The following RELN variants were observed in gnomAD, a reference collection of about 807,000 sequenced individuals.
RELN encodes reelin.
A neutral mutation model predicts 427.6 loss-of-function variants in RELN; 108 were observed. That is an observed-to-expected ratio of 0.25 (90% confidence interval 0.22 to 0.30). The LOEUF is 0.30. Among genes scored for constraint, RELN ranks in the 10% least tolerant of loss-of-function variants. The probability of loss-of-function intolerance (pLI) is 1.00; values close to 1 mark genes in which losing one functional copy is unlikely to be tolerated. For synonymous variants in RELN, 1,524 were observed against 1,513.4 expected (o/e 1.01, Z -0.16); for missense variants, 3,715 against 4,302.8 (o/e 0.86, Z 3.82).
chr7:103,718,564 T>C (rs1000450213), intron 8 of RELN, among the ~76,000 whole-genome samples: 1 of 152,168 alleles, frequency 6.6e-6, no homozygotes, highest in African/African-American at 2.4e-5. Context: ...TGGGTAATCA[T>C]TTCCATTGAC....
At chr7:103,658,861 A>AC (rs954990304) in intron 12 of RELN, among the ~76,000 whole-genome samples, 2 of 150,854 alleles carry the variant, frequency 1.3e-5, no homozygotes, top group Non-Finnish European at 3.0e-5. Flanking sequence ...CCCTGCCATT[A>AC]CCCCCAAACC....
At chr7:103,571,443 G>T (rs1830879648) in intron 31 of RELN, among the ~76,000 whole-genome samples, 1 of 152,128 alleles carries the variant, frequency 6.6e-6, no homozygotes, top group African/African-American at 2.4e-5. Flanking sequence ...TGAGTGCCTA[G>T]GGAGGGTGGA....
chr7:103,479,661 AT>A, intron 63 of RELN, among the ~76,000 whole-genome samples: 1 of 152,250 alleles, frequency 6.6e-6, no homozygotes, highest in Admixed American at 6.5e-5. Context: ...GTATGTCCAT[AT>A]TTATGAAAAT....
intron 1 of RELN, among the ~76,000 whole-genome samples, chr7:103,930,222 T>TCC (rs1353391158): frequency 2.6e-5 from 4 of 152,120 alleles, no homozygotes; most frequent in Non-Finnish European, 4.4e-5. Flanking sequence ...TCTCACTGTG[T>TCC]CCCTGCATGG....
chr7:103,590,896 T>C (rs1277329823), intron 27 of RELN, among the ~76,000 whole-genome samples: 1 of 152,226 alleles, frequency 6.6e-6, no homozygotes, highest in African/African-American at 2.4e-5. Context: ...CTGTTATACA[T>C]AGCGTTGCAG....
intron 10 of RELN, among the ~76,000 whole-genome samples, chr7:103,693,688 A>G (rs1172672216): frequency 6.6e-6 from 1 of 152,140 alleles, no homozygotes; most frequent in Non-Finnish European, 1.5e-5. Flanking sequence ...ATAGGAAGTC[A>G]TCAAAGGTCT....
rs201261973 is a variant in RELN, at chr7:103,989,115, G to A, written c.226+16C>T. 728 of 1,611,054 alleles carry A rather than the reference G, an allele frequency of 4.5e-4. No individual in the cohort carries two copies. The highest frequency in any genetic ancestry group is 4.9e-4 in the Non-Finnish European group (572 of 1,177,802). ...GCACCCGGCGGCGGCGAGCGCGGAGGTGCTGCGGTACCTACCATGGTATTC... is the reference window on the plus strand; with the variant it reads ...GCACCCGGCGGCGGCGAGCGCGGAGATGCTGCGGTACCTACCATGGTATTC... On this transcript the variant is annotated intron_variant, in intron 1 of 64. Transcript: ENST00000428762. The surrounding 1 kb of genome is among the most constrained non-coding windows in gnomAD (Gnocchi z 4.9).
At chr7:103,976,893 A>T (rs1387179787) in intron 1 of RELN, among the ~76,000 whole-genome samples, 1 of 152,128 alleles carries the variant, frequency 6.6e-6, no homozygotes, top group Non-Finnish European at 1.5e-5. Flanking sequence ...CTCTATAAAA[A>T]ATACAAAAAT....
chr7:103,772,886 C>A (rs927669547), intron 4 of RELN, among the ~76,000 whole-genome samples: 1 of 152,054 alleles, frequency 6.6e-6, no homozygotes, highest in African/African-American at 2.4e-5. Context: ...CTATTGCTTC[C>A]AATTGAGATT....
At chr7:103,749,297 C>T in intron 6 of RELN, 129 bp downstream of exon 6, 1 of 769,076 alleles carries the variant, frequency 1.3e-6, no homozygotes, top group Non-Finnish European at 2.3e-6. Flanking sequence ...AGTTCCATAG[C>T]TTAACAAGTC....
At chr7:103,702,107 C>T (rs1266714111) in intron 8 of RELN, among the ~76,000 whole-genome samples, 1 of 152,212 alleles carries the variant, frequency 6.6e-6, no homozygotes, top group Non-Finnish European at 1.5e-5. Context: ...AAAGGATATT[C>T]AAAGGAAAGC....
At chr7:103,858,236 G>C (rs999092995) in intron 2 of RELN, among the ~76,000 whole-genome samples, 13 of 152,036 alleles carry the variant, frequency 8.6e-5, no homozygotes, top group African/African-American at 2.9e-4. Context: ...AACTCTCTAG[G>C]CTTCTGTTTC....
rs35734631 is a variant in RELN, at chr7:103,895,704, A to G, written c.337+21371T>C. 4.0e-3 allele frequency among the ~76,000 whole-genome samples: 608 copies of G among 152,184 alleles called. 23 individuals are homozygous for G. The East Asian group carries it at 0.072, about 18-fold the overall frequency. On this transcript the variant is annotated intron_variant, in intron 2 of 64. Transcript: ENST00000428762. ...TATCTACTTTGGAACTCACCCAAAGATTGTGAGATTGAAAAATAACTACTT... is the reference window on the plus strand; with the variant it reads ...TATCTACTTTGGAACTCACCCAAAGGTTGTGAGATTGAAAAATAACTACTT...
intron 11 of RELN, among the ~76,000 whole-genome samples, chr7:103,670,920 G>A (rs1833377573): frequency 6.6e-6 from 1 of 151,784 alleles, no homozygotes; most frequent in African/African-American, 2.4e-5. Flanking sequence ...ACCTAAAGTT[G>A]GCAACTTTAA....
intron 28 of RELN, among the ~76,000 whole-genome samples, chr7:103,581,291 C>T (rs1229166833): frequency 6.6e-6 from 1 of 152,102 alleles, no homozygotes; most frequent in Admixed American, 6.5e-5. Flanking sequence ...ATGTGCTTCC[C>T]ATTCCTTCCT....
At chr7:103,745,000 G>A (rs941827993) in intron 6 of RELN, among the ~76,000 whole-genome samples, 80 of 152,114 alleles carry the variant, frequency 5.3e-4, no homozygotes, top group Non-Finnish European at 6.2e-4. Context: ...GATGAACATC[G>A]ATGCAAAAAT....
intron 19 of RELN, among the ~76,000 whole-genome samples, chr7:103,633,521 C>T (rs1476036940): frequency 6.6e-6 from 1 of 150,938 alleles, no homozygotes; most frequent in Non-Finnish European, 1.5e-5. Context: ...CTACCATTAC[C>T]ACGTTCTCCT....
intron 10 of RELN, 25 bp downstream of exon 10, chr7:103,697,828 C>T (rs1296186440): frequency 6.8e-6 from 11 of 1,613,136 alleles, no homozygotes; most frequent in Non-Finnish European, 9.3e-6. Flanking sequence ...ATTAAAACAA[C>T]CCAAAAACTA....
intron 7 of RELN, among the ~76,000 whole-genome samples, chr7:103,725,559 C>A (rs1207923563): frequency 6.6e-6 from 1 of 152,036 alleles, no homozygotes; most frequent in Non-Finnish European, 1.5e-5. Context: ...CAGAGTGAGG[C>A]CTTGTCTTAA....
Sources: allele counts gnomAD v4.1 joint callset (sites outside exome capture counted in the v4.1 genomes callset), GRCh38; gene constraint gnomAD v4.1.1; non-coding constraint Gnocchi (gnomAD v3.1); transcripts MANE v1.5; gene names NCBI Gene and HGNC (gene_info 2026-07-23, HGNC 2026-07-21).